The following JPH2 variants were observed in gnomAD, a reference collection of about 807,000 sequenced individuals.
JPH2 encodes the protein junctophilin 2.
JPH2 carries 38 observed loss-of-function variants against 55.9 expected under a neutral mutation model. That is an observed-to-expected ratio of 0.68 (90% CI 0.52 to 0.89). JPH2 has a LOEUF of 0.89. Among genes scored for constraint, JPH2 ranks in the 40% least tolerant of loss-of-function variants. JPH2 has a pLI of 0.00. For missense variants in JPH2, 964 were observed against 1,037.6 expected, an observed-to-expected ratio of 0.93 and a Z score of 0.97; for synonymous variants, 480 against 472.4, an observed-to-expected ratio of 1.02 and a Z score of -0.21.
At chr20:44,121,008 A>C (rs556335439) in intron 2 of JPH2, among the ~76,000 whole-genome samples, 11 of 152,346 alleles carry the variant, frequency 7.2e-5, no homozygotes, top group African/African-American at 2.4e-4. Flanking sequence ...TATTTAATAA[A>C]ATGCAATTAA....
chr20:44,129,684 G>A (rs1293660467), intron 2 of JPH2, among the ~76,000 whole-genome samples: 4 of 152,196 alleles, frequency 2.6e-5, no homozygotes, highest in Admixed American at 1.3e-4. Context: ...TCTGGAACCC[G>A]TGGATGTTAC....
chr20:44,178,996 G>A (rs985829530), intron 1 of JPH2, among the ~76,000 whole-genome samples: 2 of 152,160 alleles, frequency 1.3e-5, no homozygotes, highest in African/African-American at 2.4e-5. Context: ...AAAATTAGCT[G>A]AAGTCATAAG....
In JPH2 at chr20:44,132,545, A is replaced by G. The variant is rs1044115183; in HGVS notation, c.1170-13922T>C. Reference sequence around the variant, plus strand: ...TCACTGGCTTCCAGTGCGCCCAGTCAATTCAGGGCCCAAGCACGAGGCCGG... The same window carrying G: ...TCACTGGCTTCCAGTGCGCCCAGTCGATTCAGGGCCCAAGCACGAGGCCGG... On this transcript the variant is annotated intron_variant, in intron 2 of 5. Coordinates refer to ENST00000372980, the MANE Select transcript of JPH2 (RefSeq NM_020433.5). Among the ~76,000 whole-genome samples the G allele has an allele frequency of 8.6e-5, 13 of 150,934 alleles. No homozygotes were observed. In the East Asian group the frequency reaches 1.8e-3, roughly 21 times the overall value.
At chr20:44,170,889 T>C (rs1375784606) in intron 1 of JPH2, among the ~76,000 whole-genome samples, 1 of 152,326 alleles carries the variant, frequency 6.6e-6, no homozygotes, top group East Asian at 1.9e-4. Flanking sequence ...TTTAAATGAC[T>C]CTCATGATGA....
At chr20:44,127,964 T>C (rs1180522743) in intron 2 of JPH2, among the ~76,000 whole-genome samples, 1 of 152,204 alleles carries the variant, frequency 6.6e-6, no homozygotes, top group Non-Finnish European at 1.5e-5. Flanking sequence ...TTTAATTGGA[T>C]TTTTTTCCTT....
intron 2 of JPH2, among the ~76,000 whole-genome samples, chr20:44,120,015 C>T (rs1420671832): frequency 6.6e-6 from 1 of 152,048 alleles, no homozygotes; most frequent in African/African-American, 2.4e-5. Flanking sequence ...TGCTCCAGAG[C>T]CCCCGGTGGA....
chr20:44,148,617 G>T (rs6031418), intron 2 of JPH2, among the ~76,000 whole-genome samples: 26 of 152,302 alleles, frequency 1.7e-4, no homozygotes, highest in Non-Finnish European at 3.2e-4. Context: ...CGTGGCCTTA[G>T]GTTCGTTACT....
chr20:44,184,158 A>G (rs1397833572), intron 1 of JPH2, among the ~76,000 whole-genome samples: 1 of 152,146 alleles, frequency 6.6e-6, no homozygotes, highest in East Asian at 1.9e-4. Context: ...CCCTGTCTCA[A>G]AAAACAAACA....
At chr20:44,184,024 G>T (rs901410367) in intron 1 of JPH2, among the ~76,000 whole-genome samples, 2 of 110,720 alleles carry the variant, frequency 1.8e-5, no homozygotes, top group African/African-American at 8.9e-5. Context: ...GCCAGGTGAG[G>T]TGGTGGGTGC....
At chr20:44,165,376 T>A (rs567461647) in intron 1 of JPH2, among the ~76,000 whole-genome samples, 1 of 152,024 alleles carries the variant, frequency 6.6e-6, no homozygotes, top group Admixed American at 6.5e-5. Context: ...TCCAAATGGA[T>A]CCAGAATCCA....
intron 1 of JPH2, among the ~76,000 whole-genome samples, chr20:44,161,359 TC>T (rs2072608594): frequency 6.6e-6 from 1 of 152,104 alleles, no homozygotes; most frequent in African/African-American, 2.4e-5. Flanking sequence ...TGTACACAAG[TC>T]CATGAGCTCC....
chr20:44,146,793 T>G (rs1417267742), intron 2 of JPH2, among the ~76,000 whole-genome samples: 1 of 152,242 alleles, frequency 6.6e-6, no homozygotes. Context: ...TTGGCAAAGA[T>G]GCAAAAGACT....
chr20:44,133,406 A>G (rs1398473356), intron 2 of JPH2, among the ~76,000 whole-genome samples: 1 of 151,982 alleles, frequency 6.6e-6, no homozygotes, highest in East Asian at 1.9e-4. Flanking sequence ...CCTTACAACA[A>G]TCCTAGCAGG....
intron 2 of JPH2, among the ~76,000 whole-genome samples, chr20:44,137,347 C>A (rs2072420951): frequency 1.3e-5 from 2 of 151,576 alleles, no homozygotes; most frequent in South Asian, 4.2e-4. Flanking sequence ...GGAGAGCTTT[C>A]TGTGAGCCGG....
In JPH2 at chr20:44,159,578, G is replaced by A. The variant is rs538735519; in HGVS notation, c.1169+40C>T. The A allele has an allele frequency of 1.9e-6, 3 of 1,571,152 alleles. 1 individual carries two copies. In the South Asian group the frequency reaches 3.4e-5, roughly 18 times the overall value. On this transcript the variant is annotated intron_variant, in intron 2 of 5. Transcript: ENST00000372980. This position sits in a 1 kb window ranked among gnomAD's most constrained non-coding sequence, Gnocchi z 5.7. Reference sequence around the variant, plus strand: ...GCCCTGCCCCAGGACCCCCTTCTCCGAGGGGAGGCGACCCCTTCCCACCCC... The same window carrying A: ...GCCCTGCCCCAGGACCCCCTTCTCCAAGGGGAGGCGACCCCTTCCCACCCC...
At position 44,177,799 on chromosome 20, in the gene JPH2, G is replaced by A. The variant is rs186789957; in HGVS notation, c.379+8528C>T. On this transcript the variant is annotated intron_variant, in intron 1 of 5. Transcript: ENST00000372980. ...CGTTTTTGTCCTCAAATATCCTCCC[G>A]AAGACAGTGACAGCTATGGTTCAGG... 471 of 1,553,466 alleles carry A rather than the reference G, an allele frequency of 3.0e-4. 2 individuals are homozygous for A. Among genetic ancestry groups the A allele is most frequent in the Middle Eastern group, 4.0e-4 (2 of 4,958 alleles).
At chr20:44,162,007 C>G (rs562116020) in intron 1 of JPH2, among the ~76,000 whole-genome samples, 2 of 152,316 alleles carry the variant, frequency 1.3e-5, no homozygotes, top group Non-Finnish European at 2.9e-5. Flanking sequence ...GGCCACAGTC[C>G]TGGTCTTTCT....
rs1057524316 is a variant in JPH2 at position 44,114,767 on chromosome 20, G to A, written c.*14+15C>T. On this transcript the variant is annotated intron_variant, in intron 5 of 5. Coordinates refer to ENST00000372980, the MANE Select transcript of JPH2 (RefSeq NM_020433.5). Reference sequence around the variant, plus strand: ...CTCCTGCCCCCCAACCCCTCCTCCAGCCAGCTGGCTGCACCTGGTAAGCGA... The same window carrying A: ...CTCCTGCCCCCCAACCCCTCCTCCAACCAGCTGGCTGCACCTGGTAAGCGA... 7.0e-6 allele frequency: 11 copies of A among 1,575,464 alleles called. No homozygotes were observed. Among genetic ancestry groups the A allele is most frequent in the Non-Finnish European group, 9.5e-6 (11 of 1,157,752 alleles).
chr20:44,172,685 C>T (rs990666981), intron 1 of JPH2, among the ~76,000 whole-genome samples: 3 of 152,090 alleles, frequency 2.0e-5, no homozygotes, highest in Non-Finnish European at 2.9e-5. Flanking sequence ...GATGTGGTCT[C>T]GCTATGTTGC....
Sources: allele counts gnomAD v4.1 joint callset (sites outside exome capture counted in the v4.1 genomes callset), GRCh38; gene constraint gnomAD v4.1.1; non-coding constraint Gnocchi (gnomAD v3.1); transcripts MANE v1.5; gene names NCBI Gene and HGNC (gene_info 2026-07-23, HGNC 2026-07-21).